Variants in PCNX2 observed in about 807,000 individuals in gnomAD.
PCNX2 encodes pecanex 2.
In PCNX2, 168 loss-of-function variants were observed where a neutral mutation model predicts 223.8. The observed-to-expected ratio is 0.75, with a 90% CI of 0.66 to 0.85. The LOEUF (loss-of-function observed/expected upper bound fraction) is 0.85. Ranked by LOEUF, PCNX2 falls within the 40% of genes least tolerant of loss-of-function variation. PCNX2 has a pLI of 0.00. For missense variants in PCNX2, 2,507 were observed against 2,675.5 expected (o/e 0.94, Z 1.39); for synonymous variants, 1,006 against 1,052.6 (o/e 0.96, Z 0.86).
chr1:233,199,112 C>T, intron 14 of PCNX2, 82 bp from the exon 15 acceptor site: 1 of 1,293,820 alleles, frequency 7.7e-7, no homozygotes, highest in Non-Finnish European at 1.1e-6. Context: ...GAGATGGTTG[C>T]ACATTCGCAT....
chr1:233,166,040 T>C (rs1678774065), intron 17 of PCNX2, among the ~76,000 whole-genome samples: 1 of 152,052 alleles, frequency 6.6e-6, no homozygotes, highest in African/African-American at 2.4e-5. Context: ...AAGAATAAAG[T>C]GTCCAGAAAT....
intron 28 of PCNX2, among the ~76,000 whole-genome samples, chr1:233,004,401 G>A (rs1467220775): frequency 3.9e-5 from 6 of 152,100 alleles, no homozygotes; most frequent in Admixed American, 3.9e-4. Flanking sequence ...ATGAACCTGG[G>A]GAGTAGGTTT....
intron 1 of PCNX2, chr1:233,289,498 G>A: frequency 1.3e-6 from 1 of 799,160 alleles, no homozygotes; most frequent in Non-Finnish European, 2.1e-6. Flanking sequence ...AGAGCAGAAG[G>A]ATGCCTTTTA....
intron 21 of PCNX2, among the ~76,000 whole-genome samples, chr1:233,132,369 T>A (rs1309300343): frequency 1.3e-5 from 2 of 152,158 alleles, no homozygotes; most frequent in Non-Finnish European, 2.9e-5. Context: ...CTCCCTTTCT[T>A]TGTCCCTTGA....
At chr1:233,108,955 A>T (rs1674963449) in intron 21 of PCNX2, among the ~76,000 whole-genome samples, 1 of 152,218 alleles carries the variant, frequency 6.6e-6, no homozygotes, top group Non-Finnish European at 1.5e-5. Context: ...GGAGAGGGAC[A>T]GGAAAGGTAT....
intron 21 of PCNX2, 59 bp downstream of exon 21, chr1:233,134,953 AT>A (rs773880731): frequency 7.2e-6 from 10 of 1,379,892 alleles, no homozygotes; most frequent in African/African-American, 2.9e-5. Context: ...CTCTTAAAAC[AT>A]TTGATAAGAA....
chr1:233,144,663 C>T (rs375167815), intron 19 of PCNX2, among the ~76,000 whole-genome samples: 43 of 152,224 alleles, frequency 2.8e-4, no homozygotes, highest in African/African-American at 1.0e-3. Flanking sequence ...TGTTTACTGG[C>T]CATTTGGATA....
At chr1:233,327,141 T>G in the PCNX2 span, among the ~76,000 whole-genome samples, 2 of 151,852 alleles carry the variant, frequency 1.3e-5, no homozygotes, top group African/African-American at 4.8e-5. Flanking sequence ...ACTGCAACTC[T>G]CTCTCTCCCC....
At chr1:233,101,873 A>G (rs1193427614) in intron 21 of PCNX2, among the ~76,000 whole-genome samples, 1 of 152,180 alleles carries the variant, frequency 6.6e-6, no homozygotes, top group Non-Finnish European at 1.5e-5. Context: ...TGCTGGAAAA[A>G]AGCAAAAAGA....
At chr1:233,174,698 T>A (rs1679369495) in intron 17 of PCNX2, among the ~76,000 whole-genome samples, 3 of 152,010 alleles carry the variant, frequency 2.0e-5, no homozygotes, top group Admixed American at 2.0e-4. Flanking sequence ...AACAAACAAA[T>A]CTAAACATAA....
At chr1:232,992,543 C>T (rs937946352) in intron 32 of PCNX2, among the ~76,000 whole-genome samples, 21 of 152,170 alleles carry the variant, frequency 1.4e-4, no homozygotes, top group African/African-American at 4.3e-4. Flanking sequence ...CAAGGACATT[C>T]GAAGCAGCAT....
chr1:233,159,898 A>T (rs1460684429), intron 19 of PCNX2, among the ~76,000 whole-genome samples: 1 of 152,178 alleles, frequency 6.6e-6, no homozygotes, highest in Non-Finnish European at 1.5e-5. Flanking sequence ...TTCATGAAGG[A>T]TGGGAGCATG....
At chr1:233,323,565 A>T in the PCNX2 span, among the ~76,000 whole-genome samples, 1,264 of 152,342 alleles carry the variant, frequency 8.3e-3, 13 homozygotes, top group Middle Eastern at 0.02. Flanking sequence ...CAATATTTCA[A>T]ACTATTTCAT....
rs1669682646 is a variant in PCNX2, at chr1:232,991,104, C to T, written c.5792-4564G>A. 6.6e-6 allele frequency among the ~76,000 whole-genome samples: 1 copy of T among 152,192 alleles called. No individual in the cohort carries two copies. Among genetic ancestry groups the T allele is most frequent in the Non-Finnish European group, 1.5e-5 (1 of 68,036 alleles). On this transcript the variant is annotated intron_variant, in intron 32 of 33. Coordinates refer to ENST00000258229, the MANE Select transcript of PCNX2 (RefSeq NM_014801.4). This position sits in a 1 kb window ranked among gnomAD's most constrained non-coding sequence, Gnocchi z 4.3. ...AGCAGCTCATGGGAAATTCTGACCA[C>T]AGACAAGGCACATGCATCAGGCAGG...
chr1:233,130,496 T>TGTGTGTGTGTGTGA (rs1371940926), intron 21 of PCNX2, among the ~76,000 whole-genome samples: 2 of 148,854 alleles, frequency 1.3e-5, no homozygotes, highest in African/African-American at 5.0e-5. Flanking sequence ...TGTGTGTGTG[T>TGTGTGTGTGTGTGA]GTGTGTGTGA....
chr1:233,211,425 A>T (rs911054539), intron 12 of PCNX2, among the ~76,000 whole-genome samples: 1 of 151,622 alleles, frequency 6.6e-6, no homozygotes, highest in African/African-American at 2.4e-5. Context: ...CCCTCTCCTG[A>T]CCAGCTATTC....
intron 25 of PCNX2, among the ~76,000 whole-genome samples, chr1:233,033,834 G>A (rs1370482339): frequency 1.3e-5 from 2 of 152,178 alleles, no homozygotes; most frequent in African/African-American, 2.4e-5. Context: ...AAATCTTTGA[G>A]ATGTATAATT....
At chr1:233,316,676 C>T in the PCNX2 span, among the ~76,000 whole-genome samples, 496 of 152,240 alleles carry the variant, frequency 3.3e-3, 3 homozygotes, top group African/African-American at 0.011. Flanking sequence ...TAAACTTTCT[C>T]CAGATAATTG....
the PCNX2 span, among the ~76,000 whole-genome samples, chr1:233,309,270 G>A: frequency 1.3e-5 from 2 of 152,130 alleles, no homozygotes; most frequent in Non-Finnish European, 2.9e-5. Flanking sequence ...GGCCGGGCGC[G>A]GTGGCTCATG....
Sources: allele counts gnomAD v4.1 joint callset (sites outside exome capture counted in the v4.1 genomes callset), GRCh38; gene constraint gnomAD v4.1.1; non-coding constraint Gnocchi (gnomAD v3.1); transcripts MANE v1.5; gene names NCBI Gene and HGNC (gene_info 2026-07-23, HGNC 2026-07-21).